FAT3: variants seen among roughly 807,000 people sequenced by gnomAD.
The protein encoded by FAT3 is protocadherin Fat 3.
Under a neutral mutation model 310.2 loss-of-function variants are expected in FAT3, and 95 were observed. The observed-to-expected ratio is 0.31, with a 90% CI of 0.26 to 0.36. FAT3 has a LOEUF of 0.36. FAT3 is among the 10% of genes least tolerant of loss of function. The probability of loss-of-function intolerance (pLI) is 1.00; values close to 1 mark genes in which losing one functional copy is unlikely to be tolerated. For missense variants in FAT3, 5,408 were observed against 5,715.6 expected (o/e 0.95, Z 1.74); for synonymous variants, 2,314 against 2,192.9 (o/e 1.06, Z -1.54).
intron 13 of FAT3, among the ~76,000 whole-genome samples, chr11:92,814,279 A>G (rs528854647): frequency 6.6e-6 from 1 of 152,254 alleles, no homozygotes; most frequent in Non-Finnish European, 1.5e-5. Flanking sequence ...ATAATCTGAA[A>G]TCTGACTCTG....
chr11:92,869,096 C>CGGAA (rs1196246514), intron 22 of FAT3, among the ~76,000 whole-genome samples: 1 of 152,198 alleles, frequency 6.6e-6, no homozygotes, highest in African/African-American at 2.4e-5. Flanking sequence ...GGTATTCTTT[C>CGGAA]TTCCAAGGAG....
chr11:92,680,159 A>G (rs1369963984), intron 3 of FAT3, among the ~76,000 whole-genome samples: 2 of 150,424 alleles, frequency 1.3e-5, no homozygotes, highest in East Asian at 3.9e-4. Context: ...TGCTTTTGAG[A>G]TCTTGGCCAT....
rs1947263761 is a variant in FAT3, at chr11:92,799,291, T to C, written c.6278T>C (p.Val2093Ala). ...GTGGGCCTCCCATACTATGCTGCTG[T>C]TCAAGTGGATGCGGAACCCGGGACT... is the stretch of plus-strand genomic sequence containing the variant. ...VFVGLPYYAA[V>A]QVDAEPGTLI... Residue 2093 changes from valine to alanine, a missense_variant, in exon 10 of 28, where the codon GTT becomes GCT. This residue lies in a region of FAT3 where 4,588 missense variants were observed against 4,809.8 expected (regional missense o/e 0.95). Coordinates refer to ENST00000525166, the MANE Select transcript of FAT3 (RefSeq NM_001367949.2). 1 of 1,613,904 alleles carries C rather than the reference T, an allele frequency of 6.2e-7. No individual in the cohort carries two copies. Among genetic ancestry groups the C allele is most frequent in the South Asian group, 1.1e-5 (1 of 91,076 alleles).
intron 2 of FAT3, among the ~76,000 whole-genome samples, chr11:92,444,832 T>C (rs1383497920): frequency 6.6e-6 from 1 of 152,140 alleles, no homozygotes; most frequent in East Asian, 1.9e-4. Flanking sequence ...AAACTACACA[T>C]TTGAAATGTA....
In FAT3 at chr11:92,705,627, GTGGTGTGTGATGGTGGT is replaced by G. The variant is rs1944292732; in HGVS notation, c.3669+8188_3669+8204del. ...GTGATGTGGTGGTGGTGGTGTGATGGTGGTGTGTGATGGTGGTTGGTGGTGTGATGGTGGTGTGATGG... is the reference window on the plus strand; with the variant it reads ...GTGATGTGGTGGTGGTGGTGTGATGGTGGTGGTGTGATGGTGGTGTGATGG... On this transcript the variant is annotated intron_variant, in intron 4 of 27. Coordinates refer to ENST00000525166, the MANE Select transcript of FAT3 (RefSeq NM_001367949.2). Among the ~76,000 whole-genome samples, 3 of 2,072 alleles carry G rather than the reference GTGGTGTGTGATGGTGGT, an allele frequency of 1.4e-3. 1 individual carries two copies. Among genetic ancestry groups the G allele is most frequent in the African/African-American group, 3.7e-3 (2 of 540 alleles). The allele number at this position is 2,072 out of a possible 152,430, so 1.4% of individuals were successfully genotyped here. A position where few individuals can be genotyped will look rare whatever the true frequency, so the allele number is the denominator to read the frequency against.
At chr11:92,451,487 G>A (rs78019285) in intron 2 of FAT3, among the ~76,000 whole-genome samples, 125 of 152,206 alleles carry the variant, frequency 8.2e-4, no homozygotes, top group Non-Finnish European at 1.4e-3. Flanking sequence ...TTTGATATGC[G>A]TAATTAACAG....
intron 2 of FAT3, among the ~76,000 whole-genome samples, chr11:92,505,962 G>A (rs1056455832): frequency 2.0e-5 from 3 of 152,034 alleles, no homozygotes; most frequent in Non-Finnish European, 4.4e-5. Context: ...TGCGGGGTGG[G>A]GGATAACTAT....
At chr11:92,856,302 C>T (rs550792032) in intron 19 of FAT3, among the ~76,000 whole-genome samples, 28 of 150,804 alleles carry the variant, frequency 1.9e-4, no homozygotes, top group Non-Finnish European at 3.8e-4. Context: ...TTTAGGAAAC[C>T]ACTGTTTCAG....
intron 1 of FAT3, among the ~76,000 whole-genome samples, chr11:92,260,296 C>A (rs905659668): frequency 2.6e-5 from 4 of 151,878 alleles, no homozygotes; most frequent in Non-Finnish European, 4.4e-5. Context: ...TATGATTGAA[C>A]CCAAACTCGT....
intron 1 of FAT3, among the ~76,000 whole-genome samples, chr11:92,227,056 C>T (rs1863946203): frequency 6.6e-6 from 1 of 152,218 alleles, no homozygotes; most frequent in African/African-American, 2.4e-5. Flanking sequence ...AGGGGGCGAG[C>T]TGTCTGGGCA....
chr11:92,718,967 A>G (rs1310609141), intron 4 of FAT3, among the ~76,000 whole-genome samples: 1 of 152,150 alleles, frequency 6.6e-6, no homozygotes, highest in Non-Finnish European at 1.5e-5. Context: ...GTTCTTCTCT[A>G]TGCTTTGAGC....
chr11:92,575,186 A>G (rs1938411856), intron 3 of FAT3, among the ~76,000 whole-genome samples: 3 of 152,162 alleles, frequency 2.0e-5, no homozygotes, highest in South Asian at 4.1e-4. Context: ...AAAACTAAGT[A>G]TAGGTGATGT....
At chr11:92,316,218 G>C (rs1947458004) in intron 1 of FAT3, among the ~76,000 whole-genome samples, 1 of 151,966 alleles carries the variant, frequency 6.6e-6, no homozygotes. Context: ...AGGGGGACCA[G>C]CTTACTTTGG....
At chr11:92,487,382 A>C (rs546723594) in intron 2 of FAT3, among the ~76,000 whole-genome samples, 1 of 152,250 alleles carries the variant, frequency 6.6e-6, no homozygotes, top group African/African-American at 2.4e-5. Flanking sequence ...GAAAAGCATA[A>C]TTTTTTATCT....
chr11:92,548,237 A>G (rs1954681483), intron 3 of FAT3, among the ~76,000 whole-genome samples: 1 of 152,142 alleles, frequency 6.6e-6, no homozygotes, highest in Non-Finnish European at 1.5e-5. Context: ...TGTGCCCCTC[A>G]GGAAAATGGA....
intron 3 of FAT3, among the ~76,000 whole-genome samples, chr11:92,621,442 T>C (rs1941082817): frequency 6.6e-6 from 1 of 152,206 alleles, no homozygotes; most frequent in Non-Finnish European, 1.5e-5. Context: ...CCCCAGCTCC[T>C]CCTCCTTGAG....
chr11:92,701,666 A>G (rs75467706), intron 4 of FAT3, among the ~76,000 whole-genome samples: 1,577 of 152,344 alleles, frequency 0.01, 36 homozygotes, highest in East Asian at 0.077. Flanking sequence ...AGTTATGATT[A>G]TAGTGGAGAT....
chr11:92,566,946 C>G (rs999697118), intron 3 of FAT3, among the ~76,000 whole-genome samples: 6 of 152,094 alleles, frequency 3.9e-5, no homozygotes, highest in Admixed American at 3.9e-4. Flanking sequence ...AGAAGAAAAC[C>G]TAGACATTTC....
At chr11:92,658,453 T>C (rs912647005) in intron 3 of FAT3, among the ~76,000 whole-genome samples, 11 of 151,906 alleles carry the variant, frequency 7.2e-5, no homozygotes, top group African/African-American at 2.7e-4. Context: ...GCATGGTGAG[T>C]GGGGTGAGGC....
Sources: gnomAD v4.1 joint callset for allele counts (sites outside exome capture counted in the v4.1 genomes callset) on GRCh38, gnomAD v4.1.1 for gene constraint, gnomAD v4.1.1 regional missense constraint, MANE v1.5 for transcripts, NCBI Gene and HGNC (gene_info 2026-07-23, HGNC 2026-07-21) for gene names.